NCAM2: variants seen among roughly 807,000 people sequenced by gnomAD.
The protein encoded by NCAM2 is neural cell adhesion molecule 2.
A neutral mutation model predicts 98.1 loss-of-function variants in NCAM2; 30 were observed. That is an observed-to-expected ratio of 0.31 (90% CI 0.23 to 0.41). The LOEUF is 0.41. Among genes scored for constraint, NCAM2 ranks in the 10% least tolerant of loss-of-function variants. NCAM2 has a pLI of 1.00. For synonymous variants in NCAM2, 368 were observed against 342.4 expected, an observed-to-expected ratio of 1.07 and a Z score of -0.83; for missense variants, 867 against 1,005.8, an observed-to-expected ratio of 0.86 and a Z score of 1.87.
intron 5 of NCAM2, among the ~76,000 whole-genome samples, chr21:21,306,277 T>G (rs1026579625): frequency 1.3e-5 from 2 of 152,196 alleles, no homozygotes; most frequent in African/African-American, 4.8e-5. Context: ...GAGAAATAGC[T>G]GTTTAAACTC....
chr21:21,053,369 T>G (rs1206012449), intron 1 of NCAM2, among the ~76,000 whole-genome samples: 1 of 151,978 alleles, frequency 6.6e-6, no homozygotes, highest in Non-Finnish European at 1.5e-5. Context: ...TCCTTACTTG[T>G]GTATATTACA....
intron 1 of NCAM2, among the ~76,000 whole-genome samples, chr21:21,144,715 A>T (rs2067237422): frequency 6.6e-6 from 1 of 152,120 alleles, no homozygotes. Context: ...GTTCCCAAAT[A>T]TCTGACACAT....
At chr21:21,178,135 AAAC>A (rs1327491471) in intron 1 of NCAM2, among the ~76,000 whole-genome samples, 1 of 152,166 alleles carries the variant, frequency 6.6e-6, no homozygotes, top group African/African-American at 2.4e-5. Flanking sequence ...TACAAAATAA[AAAC>A]AATTTATTGC....
At chr21:20,999,892 C>T (rs773051667) in intron 1 of NCAM2, among the ~76,000 whole-genome samples, 1 of 152,154 alleles carries the variant, frequency 6.6e-6, no homozygotes, top group Non-Finnish European at 1.5e-5. Context: ...CTTCTCCTCC[C>T]CACAGCTATA....
At chr21:21,362,530 C>A (rs148465602) in intron 8 of NCAM2, among the ~76,000 whole-genome samples, 226 of 152,110 alleles carry the variant, frequency 1.5e-3, no homozygotes, top group African/African-American at 5.1e-3. Context: ...GTAGCTGGGA[C>A]TACAGGCACA....
intron 1 of NCAM2, among the ~76,000 whole-genome samples, chr21:21,121,368 G>A (rs913297308): frequency 6.6e-6 from 1 of 152,120 alleles, no homozygotes; most frequent in African/African-American, 2.4e-5. Context: ...ATTAACTGAT[G>A]TCAAGGAGGG....
chr21:21,538,581 A>T lies in NCAM2; in HGVS notation c.*624A>T, dbSNP rs1024934431. On this transcript the variant is annotated 3_prime_UTR_variant, in exon 18 of 18. Transcript: ENST00000400546. ...GATTTTTGATAGACTGAAGTGCCAG[A>T]TCAAAATTGTTACCCATTTGAAAGA... 1.3e-5 allele frequency: 2 copies of T among 152,484 alleles called. No homozygotes were observed. Among genetic ancestry groups the T allele is most frequent in the African/African-American group, 4.8e-5 (2 of 41,454 alleles). 9.4% of individuals were successfully genotyped at this position (152,484 alleles called of 1,614,324 possible). A position where few individuals can be genotyped will look rare whatever the true frequency, so the allele number is the denominator to read the frequency against.
At chr21:21,160,538 A>T (rs1444857103) in intron 1 of NCAM2, among the ~76,000 whole-genome samples, 3 of 152,142 alleles carry the variant, frequency 2.0e-5, no homozygotes, top group Admixed American at 2.0e-4. Flanking sequence ...AAAGCTTAAA[A>T]TTAATTTAAC....
intron 1 of NCAM2, among the ~76,000 whole-genome samples, chr21:21,004,070 A>G (rs1201004701): frequency 1.3e-5 from 2 of 152,278 alleles, no homozygotes; most frequent in East Asian, 3.9e-4. Context: ...ACTAAAGATC[A>G]AACAGAAAAG....
intron 15 of NCAM2, among the ~76,000 whole-genome samples, chr21:21,497,812 T>TA (rs1285086276): frequency 1.3e-5 from 2 of 152,132 alleles, no homozygotes; most frequent in Non-Finnish European, 2.9e-5. Context: ...AATGGTACAT[T>TA]AAAACGACCT....
chr21:21,531,992 C>A (rs1602575462), intron 16 of NCAM2, among the ~76,000 whole-genome samples: 3 of 146,636 alleles, frequency 2.0e-5, no homozygotes, highest in African/African-American at 2.5e-5. Context: ...GACTCCGTCT[C>A]AAAAAAAAAG....
At chr21:21,053,059 TG>T (rs1814469909) in intron 1 of NCAM2, among the ~76,000 whole-genome samples, 1 of 151,946 alleles carries the variant, frequency 6.6e-6, no homozygotes, top group African/African-American at 2.4e-5. Context: ...ATTGAATAGT[TG>T]AAAAAAAAAG....
intron 4 of NCAM2, among the ~76,000 whole-genome samples, chr21:21,290,726 C>A (rs1429428685): frequency 6.6e-6 from 1 of 151,848 alleles, no homozygotes; most frequent in East Asian, 1.9e-4. Flanking sequence ...CAAAAAGCAA[C>A]TACAGGCTTG....
intron 1 of NCAM2, among the ~76,000 whole-genome samples, chr21:21,248,375 A>G (rs757833727): frequency 2.6e-5 from 4 of 152,162 alleles, no homozygotes; most frequent in Non-Finnish European, 5.9e-5. Context: ...TCATTAAACA[A>G]TTGAGTAACC....
intron 9 of NCAM2, among the ~76,000 whole-genome samples, chr21:21,382,525 T>C (rs956624656): frequency 9.9e-5 from 15 of 151,452 alleles, no homozygotes; most frequent in African/African-American, 2.7e-4. Flanking sequence ...GGATTTTTTT[T>C]TTTTTTTTGA....
rs190260338 is a variant in NCAM2, at chr21:21,027,166, T to G, written c.55+28548T>G. Reference sequence around the variant, plus strand: ...AGCCGCCGTGCCCGGCCCAAAACTTTTATTTTCTGAGTTATAATTTTTTAA... The same window carrying G: ...AGCCGCCGTGCCCGGCCCAAAACTTGTATTTTCTGAGTTATAATTTTTTAA... On this transcript the variant is annotated intron_variant, in intron 1 of 17. Coordinates refer to ENST00000400546, the MANE Select transcript of NCAM2 (RefSeq NM_004540.5). 2.8e-3 allele frequency among the ~76,000 whole-genome samples: 424 copies of G among 152,318 alleles called. 6 individuals carry two copies. Among genetic ancestry groups the G allele is most frequent in the East Asian group, 0.012 (61 of 5,184 alleles).
At chr21:21,080,971 C>T (rs1252324514) in intron 1 of NCAM2, among the ~76,000 whole-genome samples, 1 of 152,020 alleles carries the variant, frequency 6.6e-6, no homozygotes, top group East Asian at 1.9e-4. Context: ...AGAAGAGGGC[C>T]AAGCAGGCGA....
At chr21:21,162,419 A>C (rs2067813233) in intron 1 of NCAM2, among the ~76,000 whole-genome samples, 1 of 152,170 alleles carries the variant, frequency 6.6e-6, no homozygotes, top group Non-Finnish European at 1.5e-5. Flanking sequence ...TTGCTGATTC[A>C]CCAGGTTGTA....
At chr21:21,133,466 G>A (rs1226199242) in intron 1 of NCAM2, among the ~76,000 whole-genome samples, 1 of 152,148 alleles carries the variant, frequency 6.6e-6, no homozygotes, top group Non-Finnish European at 1.5e-5. Context: ...ATTAGCCACT[G>A]TAAGTCACAT....
Sources: gnomAD v4.1 joint callset for allele counts (sites outside exome capture counted in the v4.1 genomes callset) on GRCh38, gnomAD v4.1.1 for gene constraint, MANE v1.5 for transcripts, NCBI Gene and HGNC (gene_info 2026-07-23, HGNC 2026-07-21) for gene names.